PARD3B: variants seen among roughly 807,000 people sequenced by gnomAD.
PARD3B encodes the protein par-3 family cell polarity regulator beta, also known as partitioning defective 3 homolog B.
PARD3B carries 103 observed loss-of-function variants against 130.2 expected under a neutral mutation model. The observed-to-expected ratio is 0.79, with a 90% confidence interval of 0.67 to 0.93. The LOEUF is 0.93. Among genes scored for constraint, PARD3B ranks in the 40% least tolerant of loss-of-function variants. The probability of loss-of-function intolerance (pLI) is 0.00; values close to 1 mark genes in which losing one functional copy is unlikely to be tolerated. For synonymous variants in PARD3B, 583 were observed against 553.2 expected, an observed-to-expected ratio of 1.05 and a Z score of -0.76; for missense variants, 1,609 against 1,499.2, an observed-to-expected ratio of 1.07 and a Z score of -1.21.
intron 2 of PARD3B, among the ~76,000 whole-genome samples, chr2:204,905,994 G>A (rs759361630): frequency 6.6e-6 from 1 of 152,142 alleles, no homozygotes; most frequent in South Asian, 2.1e-4. Flanking sequence ...TTGAAAATCC[G>A]GATTTGGAAG....
chr2:205,427,953 G>GT (rs1314184395), intron 19 of PARD3B, among the ~76,000 whole-genome samples: 2 of 152,118 alleles, frequency 1.3e-5, no homozygotes, highest in Non-Finnish European at 2.9e-5. Context: ...TGATCTGAAT[G>GT]TTTTTTTCGC....
At chr2:205,406,294 A>G (rs941043954) in intron 19 of PARD3B, among the ~76,000 whole-genome samples, 1 of 152,094 alleles carries the variant, frequency 6.6e-6, no homozygotes, top group Non-Finnish European at 1.5e-5. Flanking sequence ...TTATTTTCTT[A>G]TTTATGTATT....
chr2:204,862,467 C>T (rs1477558852), intron 2 of PARD3B, among the ~76,000 whole-genome samples: 1 of 152,122 alleles, frequency 6.6e-6, no homozygotes. Context: ...GTTTGATTAT[C>T]AAGCACTTGA....
chr2:205,549,909 C>T (rs1221139764), intron 21 of PARD3B, among the ~76,000 whole-genome samples: 1 of 151,976 alleles, frequency 6.6e-6, no homozygotes, highest in Admixed American at 6.6e-5. Context: ...CTGTATGCCG[C>T]CTAAATTTTT....
chr2:205,387,715 A>T (rs184706024), intron 18 of PARD3B, among the ~76,000 whole-genome samples: 5 of 152,348 alleles, frequency 3.3e-5, no homozygotes, highest in Admixed American at 2.0e-4. Context: ...ATTGGAGGTC[A>T]CTTCAATATT....
At chr2:205,162,212 A>G (rs1445580170) in intron 11 of PARD3B, among the ~76,000 whole-genome samples, 1 of 152,192 alleles carries the variant, frequency 6.6e-6, no homozygotes, top group Non-Finnish European at 1.5e-5. Flanking sequence ...CAATAATTCT[A>G]CCCTGCTCAG....
At chr2:205,469,432 A>G (rs1002680245) in intron 20 of PARD3B, among the ~76,000 whole-genome samples, 3 of 152,148 alleles carry the variant, frequency 2.0e-5, no homozygotes, top group African/African-American at 7.2e-5. Flanking sequence ...ACCACTGGGC[A>G]AGGTATTCTT....
chr2:204,613,884 C>G (rs1283655147), intron 1 of PARD3B, among the ~76,000 whole-genome samples: 3 of 151,882 alleles, frequency 2.0e-5, no homozygotes, highest in Non-Finnish European at 4.4e-5. Flanking sequence ...TGTTAGTCTC[C>G]TCTGGCTTTT....
intron 3 of PARD3B, among the ~76,000 whole-genome samples, chr2:204,977,964 G>A (rs112869283): frequency 0.015 from 2,320 of 152,236 alleles, 61 homozygotes; most frequent in African/African-American, 0.051. Context: ...TGGATGGCAA[G>A]TGCAGCCACT....
At chr2:204,746,921 G>C (rs977471608) in intron 2 of PARD3B, among the ~76,000 whole-genome samples, 1 of 152,160 alleles carries the variant, frequency 6.6e-6, no homozygotes, top group Non-Finnish European at 1.5e-5. Flanking sequence ...CTCTCATTCT[G>C]TAGGTTGCCT....
chr2:205,275,196 A>T (rs552584761), intron 16 of PARD3B, among the ~76,000 whole-genome samples: 8 of 143,300 alleles, frequency 5.6e-5, no homozygotes, highest in South Asian at 4.4e-4. Context: ...GGGAAAAATT[A>T]AAAAAAAAAA....
chr2:204,908,303 A>G (rs2047110077), intron 2 of PARD3B, among the ~76,000 whole-genome samples: 1 of 152,236 alleles, frequency 6.6e-6, no homozygotes, highest in African/African-American at 2.4e-5. Context: ...ACTTAAATAT[A>G]ATTATCACAT....
At chr2:205,452,482 G>T (rs733001) in intron 20 of PARD3B, among the ~76,000 whole-genome samples, 1 of 152,000 alleles carries the variant, frequency 6.6e-6, no homozygotes. Flanking sequence ...TGCCATTTCC[G>T]TAGAGAGTTA....
chr2:205,460,244 A>T lies in PARD3B; in HGVS notation c.3044+19572A>T, dbSNP rs957409347. ...TCTAAATGCAGCTTTGAGGATATGC[A>T]GTTCGTAAATTTCCTACTGGGTCAT... On this transcript the variant is annotated intron_variant, in intron 20 of 22. Coordinates refer to ENST00000406610, the MANE Select transcript of PARD3B (RefSeq NM_001302769.2). This position sits in a 1 kb window ranked among gnomAD's most constrained non-coding sequence, Gnocchi z 4.9. Among the ~76,000 whole-genome samples the T allele has an allele frequency of 1.3e-5, 2 of 152,216 alleles. No individual in the cohort carries two copies. The highest frequency in any genetic ancestry group is 2.9e-5 in the Non-Finnish European group (2 of 68,040).
chr2:204,626,120 G>A (rs2034478547), intron 1 of PARD3B, among the ~76,000 whole-genome samples: 1 of 152,184 alleles, frequency 6.6e-6, no homozygotes, highest in East Asian at 1.9e-4. Context: ...TTTGGTAGGT[G>A]AACAATTAGA....
intron 4 of PARD3B, among the ~76,000 whole-genome samples, chr2:205,069,671 G>T (rs964297794): frequency 4.5e-4 from 68 of 152,164 alleles, no homozygotes; most frequent in African/African-American, 1.6e-3. Flanking sequence ...ACCCTGGGTT[G>T]TCTGAAAAAT....
Position 205,354,750 on chromosome 2 carries a change from C to T in PARD3B, c.2631-46263C>T, listed in dbSNP as rs543929896. On this transcript the variant is annotated intron_variant, in intron 18 of 22. Transcript: ENST00000406610. Reference sequence around the variant, plus strand: ...GACCATCCAAAAAATATTAGAACTGCGCAGGGATCTTTCCAGAGCATTCTA... The same window carrying T: ...GACCATCCAAAAAATATTAGAACTGTGCAGGGATCTTTCCAGAGCATTCTA... 4.6e-5 allele frequency among the ~76,000 whole-genome samples: 7 copies of T among 152,212 alleles called. No homozygotes were observed. In the East Asian group the frequency reaches 5.8e-4, roughly 13 times the overall value.
intron 1 of PARD3B, among the ~76,000 whole-genome samples, chr2:204,682,696 G>T (rs972132888): frequency 6.6e-6 from 1 of 152,110 alleles, no homozygotes; most frequent in African/African-American, 2.4e-5. Flanking sequence ...TTGGGACCTC[G>T]CTGCCATTGC....
At chr2:205,205,714 T>C (rs2037252722) in intron 15 of PARD3B, among the ~76,000 whole-genome samples, 1 of 152,222 alleles carries the variant, frequency 6.6e-6, no homozygotes, top group South Asian at 2.1e-4. Context: ...CATGTGGTTT[T>C]TGTCATTGGT....
Sources: gnomAD v4.1 joint callset for allele counts (sites outside exome capture counted in the v4.1 genomes callset) on GRCh38, gnomAD v4.1.1 for gene constraint, Gnocchi (gnomAD v3.1) non-coding constraint, MANE v1.5 for transcripts, NCBI Gene and HGNC (gene_info 2026-07-23, HGNC 2026-07-21) for gene names.